Variants in RNF169 observed in about 807,000 individuals in gnomAD.
RNF169 encodes ring finger protein 169, also known as E3 ubiquitin-protein ligase RNF169.
RNF169 carries 24 observed loss-of-function variants against 53.9 expected under a neutral mutation model. The ratio of observed to expected loss-of-function variants is 0.45; its 90% CI spans 0.32 to 0.63. The LOEUF (loss-of-function observed/expected upper bound fraction) is 0.63, where lower values mean the gene tolerates loss of function less well. RNF169 is among the 20% of genes least tolerant of loss of function. The pLI is 0.04. For missense variants in RNF169, 883 were observed against 906.2 expected (o/e 0.97, Z 0.33); for synonymous variants, 396 against 363.5 (o/e 1.09, Z -1.02).
rs1299915237 is a variant in RNF169, at chr11:74,840,939, G to C, written c.*4209G>C. 1 of 151,894 alleles carries C rather than the reference G, an allele frequency of 6.6e-6. No homozygotes were observed. The highest frequency in any genetic ancestry group is 1.9e-4 in the East Asian group (1 of 5,198). The allele number at this position is 151,894 out of a possible 1,614,324, so 9.4% of individuals were successfully genotyped here. On this transcript the variant is annotated 3_prime_UTR_variant, in exon 6 of 6. Transcript: ENST00000299563. ...GGGGATACCCCCAAATGATTTAGGA[G>C]GTTATTTTATTTTAATAGTTTTTTC...
At chr11:74,759,108 T>G (rs1244207443) in intron 1 of RNF169, among the ~76,000 whole-genome samples, 195 of 134,252 alleles carry the variant, frequency 1.5e-3, no homozygotes, top group African/African-American at 5.2e-3. Context: ...TGGCTCTCTG[T>G]TTGTCTGTTG....
In RNF169 at chr11:74,827,433, A is replaced by G. The variant is rs148490752; in HGVS notation, c.843-7243A>G. Among the ~76,000 whole-genome samples, 1,118 of 152,222 alleles carry G rather than the reference A, an allele frequency of 7.3e-3. 23 individuals carry two copies. Among genetic ancestry groups the G allele is most frequent in the African/African-American group, 0.025 (1,056 of 41,516 alleles). On this transcript the variant is annotated intron_variant, in intron 4 of 5. Coordinates refer to ENST00000299563, the MANE Select transcript of RNF169 (RefSeq NM_001098638.2). Reference sequence around the variant, plus strand: ...GACATGCCGTGAAGACATTTTCCCCATTGTCTTGGCAATTAACATTTGGCT... The same window carrying G: ...GACATGCCGTGAAGACATTTTCCCCGTTGTCTTGGCAATTAACATTTGGCT...
intron 4 of RNF169, among the ~76,000 whole-genome samples, chr11:74,821,257 G>GA (rs1254605615): frequency 1.3e-5 from 2 of 152,200 alleles, no homozygotes; most frequent in Non-Finnish European, 2.9e-5. Flanking sequence ...AGAAAAGTGA[G>GA]AATCTGTCCA....
chr11:74,763,318 A>G (rs965334270), intron 1 of RNF169, among the ~76,000 whole-genome samples: 1 of 152,208 alleles, frequency 6.6e-6, no homozygotes, highest in African/African-American at 2.4e-5. Context: ...ATGATTAAAA[A>G]TGACACATGA....
intron 1 of RNF169, among the ~76,000 whole-genome samples, chr11:74,785,251 T>TGA: frequency 1.3e-5 from 1 of 78,780 alleles, no homozygotes; most frequent in African/African-American, 6.7e-5. Flanking sequence ...GTTATATATG[T>TGA]TAGATATATA....
intron 2 of RNF169, among the ~76,000 whole-genome samples, chr11:74,802,504 G>A (rs774807553): frequency 2.6e-5 from 4 of 152,068 alleles, no homozygotes; most frequent in Non-Finnish European, 4.4e-5. Flanking sequence ...TTAGCCAGGC[G>A]CGATGGTGCA....
intron 4 of RNF169, among the ~76,000 whole-genome samples, chr11:74,820,083 C>T (rs934559314): frequency 6.6e-6 from 1 of 152,050 alleles, no homozygotes; most frequent in African/African-American, 2.4e-5. Context: ...AATCTGAAGA[C>T]CCTCTGGGAA....
chr11:74,749,318 C>A lies in RNF169; in HGVS notation c.438C>A (p.Asp146Glu). Reference protein sequence around the residue: ...SQPERCRPRRDGGAAAAGPRP... With the variant: ...SQPERCRPRREGGAAAAGPRP... Reference sequence around the variant, plus strand: ...CCGAGCGCTGCCGCCCGCGCCGGGACGGGGGCGCGGCTGCCGCGGGGCCCA... The same window carrying A: ...CCGAGCGCTGCCGCCCGCGCCGGGAAGGGGGCGCGGCTGCCGCGGGGCCCA... Residue 146 changes from aspartate to glutamate, a missense_variant, in exon 1 of 6, where the codon GAC (aspartate) becomes GAA (glutamate). Coordinates refer to ENST00000299563, the MANE Select transcript of RNF169 (RefSeq NM_001098638.2). The A allele has an allele frequency of 8.4e-7, 1 of 1,192,236 alleles. No individual in the cohort carries two copies. The highest frequency in any genetic ancestry group is 1.0e-6 in the Non-Finnish European group (1 of 963,658). 73.9% of individuals were successfully genotyped at this position (1,192,236 alleles called of 1,614,324 possible).
intron 1 of RNF169, 62 bp downstream of exon 1, chr11:74,749,444 T>C: frequency 5.0e-6 from 6 of 1,193,798 alleles, no homozygotes; most frequent in Non-Finnish European, 5.2e-6. Flanking sequence ...CGGCCCGGCC[T>C]GGTGAGGGGG....
intron 2 of RNF169, among the ~76,000 whole-genome samples, chr11:74,803,277 G>A (rs1227577134): frequency 6.6e-6 from 1 of 151,974 alleles, no homozygotes; most frequent in Non-Finnish European, 1.5e-5. Flanking sequence ...AGTAGAGACG[G>A]GGTTTCACCG....
In RNF169 at chr11:74,838,921, T is replaced by G. The variant is rs1224493385; in HGVS notation, c.*2191T>G. Reference sequence around the variant, plus strand: ...GTTGGTAGGAGCAAAGACACTTATTTTTCCACTTGCCATCTTTCTCTATAT... The same window carrying G: ...GTTGGTAGGAGCAAAGACACTTATTGTTCCACTTGCCATCTTTCTCTATAT... On this transcript the variant is annotated 3_prime_UTR_variant, in exon 6 of 6. Transcript: ENST00000299563. 1 of 152,238 alleles carries G rather than the reference T, an allele frequency of 6.6e-6. No homozygotes were observed. The highest frequency in any genetic ancestry group is 2.4e-5 in the African/African-American group (1 of 41,448). The allele number at this position is 152,238 out of a possible 1,614,324, so 9.4% of individuals were successfully genotyped here.
intron 4 of RNF169, among the ~76,000 whole-genome samples, chr11:74,825,253 T>C (rs2036078122): frequency 6.6e-6 from 1 of 152,176 alleles, no homozygotes; most frequent in Non-Finnish European, 1.5e-5. Flanking sequence ...ATAATAACTG[T>C]ATTTTTGACC....
intron 1 of RNF169, among the ~76,000 whole-genome samples, chr11:74,779,996 A>C (rs2035394098): frequency 6.6e-6 from 1 of 152,190 alleles, no homozygotes; most frequent in Non-Finnish European, 1.5e-5. Flanking sequence ...TATGAGATTA[A>C]TATGGATAAT....
At position 74,748,935 on chromosome 11, in the gene RNF169, C is replaced by CA. The variant is rs1049874826; in HGVS notation, c.55_56insA (p.Leu19HisfsTer11). 4 of 1,466,828 alleles carry CA rather than the reference C, an allele frequency of 2.7e-6. No individual in the cohort carries two copies. Among genetic ancestry groups the CA allele is most frequent in the Non-Finnish European group, 3.6e-6 (4 of 1,099,222 alleles). The allele number at this position is 1,466,828 out of a possible 1,614,324, so 90.9% of individuals were successfully genotyped here. ...CTCTTCCGCGGCGGCAGCAGCCGCT[C>CA]TGAGTCGGCGGGGCCGGCGGGGCCG... is the stretch of plus-strand genomic sequence containing the variant. On this transcript the variant is annotated frameshift_variant, in exon 1 of 6. Coordinates refer to ENST00000299563, the MANE Select transcript of RNF169 (RefSeq NM_001098638.2). LOFTEE classifies it high-confidence loss of function.
chr11:74,807,504 C>A (rs1160484708), intron 2 of RNF169, among the ~76,000 whole-genome samples: 1 of 152,104 alleles, frequency 6.6e-6, no homozygotes, highest in African/African-American at 2.4e-5. Flanking sequence ...AATTATAGAG[C>A]CTGGCATGTC....
intron 2 of RNF169, among the ~76,000 whole-genome samples, chr11:74,790,382 T>TATAA (rs531481148): frequency 3.4e-4 from 52 of 152,330 alleles, no homozygotes; most frequent in African/African-American, 1.2e-3. Flanking sequence ...TCTAATATTT[T>TATAA]ATAAATGTAA....
intron 1 of RNF169, among the ~76,000 whole-genome samples, chr11:74,787,590 A>G (rs1393859301): frequency 6.6e-6 from 1 of 152,182 alleles, no homozygotes; most frequent in Non-Finnish European, 1.5e-5. Flanking sequence ...CACTATGATT[A>G]TGCCTGTGAA....
At chr11:74,826,507 C>T (rs1011661299) in intron 4 of RNF169, among the ~76,000 whole-genome samples, 7 of 144,538 alleles carry the variant, frequency 4.8e-5, no homozygotes, top group African/African-American at 1.8e-4. Flanking sequence ...CTAACCATTC[C>T]ACCCCTGGCC....
chr11:74,829,644 C>T (rs919179874), intron 4 of RNF169, among the ~76,000 whole-genome samples: 2 of 152,190 alleles, frequency 1.3e-5, no homozygotes, highest in East Asian at 1.9e-4. Flanking sequence ...CGTATACCCC[C>T]ATGGAATACT....
Sources: allele counts gnomAD v4.1 joint callset (sites outside exome capture counted in the v4.1 genomes callset), GRCh38; gene constraint gnomAD v4.1.1; transcripts MANE v1.5; gene names NCBI Gene and HGNC (gene_info 2026-07-23, HGNC 2026-07-21).